The following MEIKIN variants were observed in gnomAD, a reference collection of about 807,000 sequenced individuals.
MEIKIN encodes meiosis-specific kinetochore protein.
intron 8 of MEIKIN, among the ~76,000 whole-genome samples, chr5:131,905,174 T>A (rs1314977455): frequency 6.6e-6 from 1 of 152,110 alleles, no homozygotes; most frequent in African/African-American, 2.4e-5. Flanking sequence ...ATGGAAATTT[T>A]AAAAACCTGC....
chr5:131,898,764 T>C (rs1751098627), intron 8 of MEIKIN, among the ~76,000 whole-genome samples: 2 of 152,224 alleles, frequency 1.3e-5, no homozygotes, highest in Admixed American at 6.5e-5. Flanking sequence ...GGTCTGTCGG[T>C]TGCTGAGACA....
At chr5:131,901,319 G>A (rs1349691760) in intron 8 of MEIKIN, among the ~76,000 whole-genome samples, 1 of 152,068 alleles carries the variant, frequency 6.6e-6, no homozygotes, top group African/African-American at 2.4e-5. Context: ...CTGTACAGAT[G>A]GCACACAGAG....
At chr5:131,889,068 A>G (rs967067478) in intron 8 of MEIKIN, among the ~76,000 whole-genome samples, 5 of 152,206 alleles carry the variant, frequency 3.3e-5, no homozygotes, top group Admixed American at 2.0e-4. Flanking sequence ...CCATTGGTCT[A>G]TATCTCTGTT....
intron 11 of MEIKIN, among the ~76,000 whole-genome samples, chr5:131,820,071 G>A (rs1336955344): frequency 1.0e-5 from 1 of 98,504 alleles, no homozygotes; most frequent in Non-Finnish European, 2.0e-5. Context: ...CACCGCGCCC[G>A]GCCTTTTTTT....
At chr5:131,894,639 G>T (rs1417765145) in intron 8 of MEIKIN, among the ~76,000 whole-genome samples, 1 of 152,102 alleles carries the variant, frequency 6.6e-6, no homozygotes, top group Non-Finnish European at 1.5e-5. Flanking sequence ...GGATTCCTAG[G>T]TATTTTATTC....
At position 131,885,040 on chromosome 5, in the gene MEIKIN, G is replaced by A. The variant is rs139762147; in HGVS notation, c.704-5992C>T. On this transcript the variant is annotated intron_variant, in intron 8 of 12. Transcript: ENST00000442687. ...ACAGAAAACCAAGTAAACTGCTAAGGGTTTTCACTCTAATTCCTGGCTCAT... is the reference window on the plus strand; with the variant it reads ...ACAGAAAACCAAGTAAACTGCTAAGAGTTTTCACTCTAATTCCTGGCTCAT... 1.4e-3 allele frequency among the ~76,000 whole-genome samples: 216 copies of A among 152,234 alleles called. 1 individual carries two copies. The highest frequency in any genetic ancestry group is 3.4e-3 in the Middle Eastern group (1 of 294).
At chr5:131,896,417 T>C (rs777603368) in intron 8 of MEIKIN, among the ~76,000 whole-genome samples, 1 of 152,210 alleles carries the variant, frequency 6.6e-6, no homozygotes, top group Non-Finnish European at 1.5e-5. Flanking sequence ...GGTGCAGAGC[T>C]GAGTTCAAGT....
chr5:131,837,596 G>C (rs949606053), intron 11 of MEIKIN, among the ~76,000 whole-genome samples: 1 of 151,942 alleles, frequency 6.6e-6, no homozygotes, highest in African/African-American at 2.4e-5. Context: ...TGTATTCCTA[G>C]GTATTTTATT....
chr5:131,941,547 T>C (rs1335614856), intron 4 of MEIKIN, among the ~76,000 whole-genome samples: 3 of 152,194 alleles, frequency 2.0e-5, no homozygotes, highest in African/African-American at 4.8e-5. Context: ...TGGTTTTTTT[T>C]CCTGCTGTTG....
chr5:131,936,771 C>T (rs889091860), intron 4 of MEIKIN, among the ~76,000 whole-genome samples: 23 of 151,732 alleles, frequency 1.5e-4, no homozygotes, highest in Admixed American at 3.3e-4. Context: ...CTTTTTCGTA[C>T]TTTTAGTAGA....
intron 5 of MEIKIN, among the ~76,000 whole-genome samples, chr5:131,926,005 T>C (rs937737917): frequency 6.6e-6 from 1 of 152,190 alleles, no homozygotes; most frequent in Non-Finnish European, 1.5e-5. Flanking sequence ...TAAGATCATG[T>C]CATCTGCAAA....
At chr5:131,856,852 T>TA (rs925228372) in intron 9 of MEIKIN, among the ~76,000 whole-genome samples, 73 of 151,790 alleles carry the variant, frequency 4.8e-4, no homozygotes, top group Middle Eastern at 3.4e-3. Flanking sequence ...CAAAAAATAT[T>TA]AGTTAATAAA....
At chr5:131,828,293 G>A (rs923765879) in intron 11 of MEIKIN, among the ~76,000 whole-genome samples, 2 of 152,114 alleles carry the variant, frequency 1.3e-5, no homozygotes, top group African/African-American at 4.8e-5. Context: ...CTCCTGAGTA[G>A]CTGGGACTAT....
At chr5:131,854,389 T>C (rs1344167082) in intron 10 of MEIKIN, among the ~76,000 whole-genome samples, 1 of 152,124 alleles carries the variant, frequency 6.6e-6, no homozygotes, top group African/African-American at 2.4e-5. Flanking sequence ...TTTTGCAAGA[T>C]GAAAAAAGTT....
At chr5:131,914,549 GGGGGAAGA>G (rs1173802529) in intron 7 of MEIKIN, among the ~76,000 whole-genome samples, 5 of 129,168 alleles carry the variant, frequency 3.9e-5, no homozygotes, top group African/African-American at 1.4e-4. Context: ...GGAAGGGGAA[GGGGGAAGA>G]GGGAAGGGGG....
At chr5:131,873,179 C>T (rs957686590) in intron 9 of MEIKIN, among the ~76,000 whole-genome samples, 13 of 152,308 alleles carry the variant, frequency 8.5e-5, no homozygotes, top group Non-Finnish European at 1.6e-4. Context: ...GGACTAAATG[C>T]TCCAATTAAA....
Position 131,807,086 on chromosome 5 carries a change from A to G in MEIKIN, c.*150T>C, listed in dbSNP as rs944916952. ...ATTAAAAGTAAATGACAAGAACCTC[A>G]GTAGAATTTCAACATAGAGATATAT... On this transcript the variant is annotated 3_prime_UTR_variant, in exon 13 of 13. Transcript: ENST00000442687. 33 of 393,660 alleles carry G rather than the reference A, an allele frequency of 8.4e-5. No homozygotes were observed. Among genetic ancestry groups the G allele is most frequent in the African/African-American group, 6.8e-4 (33 of 48,634 alleles). 24.4% of individuals were successfully genotyped at this position (393,660 alleles called of 1,614,324 possible). A position where few individuals can be genotyped will look rare whatever the true frequency, so the allele number is the denominator to read the frequency against.
Position 131,945,441 on chromosome 5 carries a change from G to A in MEIKIN, c.65C>T (p.Thr22Met), listed in dbSNP as rs1311308759. Reference sequence around the variant, plus strand: ...CTTCGCTGGAGAGCCTAGGTCTGGCGTCGGGGTGAGATTGAGCCTCTGACC... The same window carrying A: ...CTTCGCTGGAGAGCCTAGGTCTGGCATCGGGGTGAGATTGAGCCTCTGACC... ...REGQRLNLTP[T>M]PDLGSPAKAE... Residue 22 changes from threonine to methionine, a missense_variant, in exon 1 of 13, where the codon ACG becomes ATG. Physicochemically the swap from Thr to Met is moderately conservative, Grantham distance 81. Transcript: ENST00000442687. 8 of 399,242 alleles carry A rather than the reference G, an allele frequency of 2.0e-5. No individual in the cohort carries two copies. Among genetic ancestry groups the A allele is most frequent in the Non-Finnish European group, 3.1e-5 (7 of 226,216 alleles). 24.7% of individuals were successfully genotyped at this position (399,242 alleles called of 1,614,324 possible).
Position 131,914,592 on chromosome 5 carries a change from G to C in MEIKIN, c.638+2294C>G, listed in dbSNP as rs111472060. 4.0e-5 allele frequency among the ~76,000 whole-genome samples: 4 copies of C among 100,240 alleles called. 1 individual carries two copies. The Admixed American group carries it at 4.3e-4, about 11-fold the overall frequency. The allele number at this position is 100,240 out of a possible 152,430, so 65.8% of individuals were successfully genotyped here. ...GAAGAGAAGGGAAGGGAAGGGAAGG[G>C]AAGGGAAGGGAAGGGAAGGAAAGGG... is the stretch of plus-strand genomic sequence containing the variant. On this transcript the variant is annotated intron_variant, in intron 7 of 12. Transcript: ENST00000442687.
Sources: gnomAD v4.1 joint callset for allele counts (sites outside exome capture counted in the v4.1 genomes callset) on GRCh38, gnomAD v4.1.1 for gene constraint, MANE v1.5 for transcripts, NCBI Gene and HGNC (gene_info 2026-07-23, HGNC 2026-07-21) for gene names.